Variants in CCDC138 observed in about 807,000 individuals in gnomAD.
The protein encoded by CCDC138 is coiled-coil domain containing 138.
In CCDC138, 66 loss-of-function variants were observed where a neutral mutation model predicts 82.3. The ratio of observed to expected loss-of-function variants is 0.80; its 90% CI spans 0.66 to 0.98. The LOEUF is 0.98. Among genes scored for constraint, CCDC138 ranks in the 50% least tolerant of loss-of-function variants. The probability of loss-of-function intolerance (pLI) is 0.00; values close to 1 mark genes in which losing one functional copy is unlikely to be tolerated. For synonymous variants in CCDC138, 297 were observed against 265.4 expected (o/e 1.12, Z -1.16); for missense variants, 816 against 758.9 (o/e 1.08, Z -0.88).
At chr2:108,788,999 C>A in intron 3 of CCDC138, 33 bp downstream of exon 3, 2 of 1,607,512 alleles carry the variant, frequency 1.2e-6, no homozygotes, top group South Asian at 1.1e-5. Flanking sequence ...TGTTGCTACC[C>A]CCTCAGTATC....
At chr2:108,883,258 A>G (rs1468448391) in intron 2 of CCDC138, 1 of 152,244 alleles carries the variant, frequency 6.6e-6, no homozygotes, top group Non-Finnish European at 1.5e-5. Context: ...TGTAGCACCC[A>G]GTTGAGATGA....
intron 7 of CCDC138, among the ~76,000 whole-genome samples, chr2:108,811,245 C>CTTTTTTTTTTTTTTTTTTTTTTTTTTTT (rs144518921): frequency 3.6e-5 from 4 of 109,610 alleles, no homozygotes; most frequent in Non-Finnish European, 5.1e-5. Flanking sequence ...CTTTCTCTCT[C>CTTTTTTTTTTTTTTTTTTTTTTTTTTTT]TCTTTTTTTT....
intron 10 of CCDC138, among the ~76,000 whole-genome samples, chr2:108,837,326 G>A (rs753985292): frequency 1.3e-5 from 2 of 152,092 alleles, no homozygotes; most frequent in South Asian, 2.1e-4. Context: ...TGTTAAAATG[G>A]TATATTACAC....
chr2:108,791,792 A>G lies in CCDC138; in HGVS notation c.384A>G (p.Glu128=), dbSNP rs1435366624. The G allele has an allele frequency of 6.3e-7, 1 of 1,584,692 alleles. No homozygotes were observed. The highest frequency in any genetic ancestry group is 2.2e-5 in the East Asian group (1 of 44,496). Residue 128 remains glutamate, a synonymous_variant, in exon 4 of 15, where the codon GAA becomes GAG. Coordinates refer to ENST00000295124, the MANE Select transcript of CCDC138 (RefSeq NM_144978.3). ...AAATAACCAAGCAGTCTTTTAAAGA[A>G]ATAGAAAAAGGTAAAATAAATATTT... ...TSKITKQSFK[E]IEKVALPTNT...
At chr2:108,846,982 CAT>C in intron 12 of CCDC138, 52 bp downstream of exon 12, 1 of 994,322 alleles carries the variant, frequency 1.0e-6, no homozygotes, top group Admixed American at 2.2e-5. Flanking sequence ...TAGAGAATAT[CAT>C]ATATTAAAGC....
chr2:108,817,299 C>CTT (rs35517828), intron 10 of CCDC138, among the ~76,000 whole-genome samples: 1 of 144,192 alleles, frequency 6.9e-6, no homozygotes, highest in African/African-American at 2.5e-5. Context: ...AATCTTTTTT[C>CTT]TTTTTTTTTT....
chr2:108,824,805 T>C (rs947714122), intron 10 of CCDC138, among the ~76,000 whole-genome samples: 2 of 152,002 alleles, frequency 1.3e-5, no homozygotes, highest in African/African-American at 4.8e-5. Context: ...ACATGAATAA[T>C]TTACTGCCCT....
chr2:108,870,901 G>A (rs1574317821), intron 13 of CCDC138, among the ~76,000 whole-genome samples: 1 of 152,112 alleles, frequency 6.6e-6, no homozygotes. Flanking sequence ...TGGTTGCACA[G>A]TAATGTGAAT....
intron 4 of CCDC138, among the ~76,000 whole-genome samples, chr2:108,793,777 T>C (rs6542778): frequency 0.043 from 6,573 of 151,686 alleles, 480 homozygotes; most frequent in African/African-American, 0.15. Flanking sequence ...TTTTTTTTTG[T>C]ATTTTTAGTA....
chr2:108,852,148 ATAT>A (rs1691617375), intron 12 of CCDC138, among the ~76,000 whole-genome samples: 1 of 152,246 alleles, frequency 6.6e-6, no homozygotes. Flanking sequence ...TGAGATGTCA[ATAT>A]TATTATTGTA....
chr2:108,809,246 G>T (rs1269339206), intron 7 of CCDC138, among the ~76,000 whole-genome samples: 1 of 152,158 alleles, frequency 6.6e-6, no homozygotes, highest in East Asian at 1.9e-4. Context: ...AGTTTAGGTA[G>T]TGTAATGCCT....
intron 14 of CCDC138, among the ~76,000 whole-genome samples, chr2:108,875,146 T>A (rs142918052): frequency 6.6e-6 from 1 of 151,720 alleles, no homozygotes; most frequent in Non-Finnish European, 1.5e-5. Flanking sequence ...ACATAAGAGT[T>A]TGTATTAGGA....
intron 12 of CCDC138, among the ~76,000 whole-genome samples, chr2:108,855,645 A>C (rs12464296): frequency 6.6e-6 from 1 of 152,042 alleles, no homozygotes; most frequent in Non-Finnish European, 1.5e-5. Flanking sequence ...AATTCTACCA[A>C]TGGTAAAAAT....
At chr2:108,818,042 A>C (rs1286232381) in intron 10 of CCDC138, among the ~76,000 whole-genome samples, 1 of 152,226 alleles carries the variant, frequency 6.6e-6, no homozygotes, top group Non-Finnish European at 1.5e-5. Context: ...ACGGTGGCTC[A>C]TACCTGTAAT....
At chr2:108,856,684 T>C in intron 12 of CCDC138, 110 bp from the exon 13 acceptor site, 1 of 973,122 alleles carries the variant, frequency 1.0e-6, no homozygotes, top group Non-Finnish European at 1.5e-6. Flanking sequence ...ATTTAATTTT[T>C]GTTTGTCTTT....
At chr2:108,814,463 G>A (rs1684411294) in intron 9 of CCDC138, among the ~76,000 whole-genome samples, 1 of 151,772 alleles carries the variant, frequency 6.6e-6, no homozygotes, top group Non-Finnish European at 1.5e-5. Context: ...TCATCTAAAG[G>A]GAGTTAGTTT....
chr2:108,829,523 G>T (rs1687192610), intron 10 of CCDC138, among the ~76,000 whole-genome samples: 1 of 152,144 alleles, frequency 6.6e-6, no homozygotes, highest in South Asian at 2.1e-4. Context: ...AGGCAGGCGG[G>T]TCACTTGAGG....
intron 2 of CCDC138, chr2:108,885,021 A>G (rs1449190935): frequency 6.6e-6 from 1 of 152,210 alleles, no homozygotes; most frequent in African/African-American, 2.4e-5. Context: ...TTGTAATACA[A>G]ATATTTGCAG....
At chr2:108,806,785 A>G (rs772365394) in intron 7 of CCDC138, among the ~76,000 whole-genome samples, 1 of 152,256 alleles carries the variant, frequency 6.6e-6, no homozygotes, top group Non-Finnish European at 1.5e-5. Context: ...AATTTATGCT[A>G]ACACTGGATA....
Sources: allele counts gnomAD v4.1 joint callset (sites outside exome capture counted in the v4.1 genomes callset), GRCh38; gene constraint gnomAD v4.1.1; transcripts MANE v1.5; gene names NCBI Gene and HGNC (gene_info 2026-07-23, HGNC 2026-07-21).